The following SLC17A4 variants were observed in gnomAD, a reference collection of about 807,000 sequenced individuals.
The protein encoded by SLC17A4 is probable small intestine urate exporter.
SLC17A4 carries 33 observed loss-of-function variants against 52.5 expected under a neutral mutation model. The ratio of observed to expected loss-of-function variants is 0.63; its 90% CI spans 0.48 to 0.84. The LOEUF is 0.84. SLC17A4 is among the 40% of genes least tolerant of loss of function. SLC17A4 has a pLI of 0.00. For missense variants in SLC17A4, 585 were observed against 597.1 expected (o/e 0.98, Z 0.21); for synonymous variants, 225 against 216.2 (o/e 1.04, Z -0.36).
In SLC17A4 at chr6:25,780,331, T is replaced by C. The variant is rs927851539; in HGVS notation, c.*1143T>C. On this transcript the variant is annotated 3_prime_UTR_variant, in exon 12 of 12. Coordinates refer to ENST00000377905, the MANE Select transcript of SLC17A4 (RefSeq NM_005495.3). The stretch of plus-strand genomic sequence containing the variant: ...ACACAAGTGAATATGTAATAACAAC[T>C]GTAGAAATAATGAGTGGTTACATGG... The C allele has an allele frequency of 1.3e-5, 2 of 152,114 alleles. No homozygotes were observed. The highest frequency in any genetic ancestry group is 2.9e-5 in the Non-Finnish European group (2 of 68,024). 9.4% of individuals were successfully genotyped at this position (152,114 alleles called of 1,614,324 possible).
At position 25,779,299 on chromosome 6, in the gene SLC17A4, T is replaced by TA; in HGVS notation, c.*112dup. 1 of 1,424,488 alleles carries TA rather than the reference T, an allele frequency of 7.0e-7. No homozygotes were observed. The highest frequency in any genetic ancestry group is 9.5e-7 in the Non-Finnish European group (1 of 1,053,450). The allele number at this position is 1,424,488 out of a possible 1,614,324, so 88.2% of individuals were successfully genotyped here. On this transcript the variant is annotated 3_prime_UTR_variant, in exon 12 of 12. Coordinates refer to ENST00000377905, the MANE Select transcript of SLC17A4 (RefSeq NM_005495.3). ...GATAAGCCATTAGCTAGACCCTGAC[T>TA]ATGTAACGCTAAAGATTTTACCATG...
rs752513489 is a variant in SLC17A4, at chr6:25,777,000, C to T, written c.1268+41C>T. On this transcript the variant is annotated intron_variant, in intron 10 of 11. Coordinates refer to ENST00000377905, the MANE Select transcript of SLC17A4 (RefSeq NM_005495.3). Reference sequence around the variant, plus strand: ...GCCTCATCCTTTCAGACACTCAATTCAAGTCTAGCAGCCCTAAATCTACTC... The same window carrying T: ...GCCTCATCCTTTCAGACACTCAATTTAAGTCTAGCAGCCCTAAATCTACTC... 7 of 1,565,632 alleles carry T rather than the reference C, an allele frequency of 4.5e-6. No homozygotes were observed. In the Admixed American group the frequency reaches 1.3e-4, roughly 29 times the overall value.
At chr6:25,757,362 C>G (rs1761109396) in intron 1 of SLC17A4, among the ~76,000 whole-genome samples, 1 of 152,034 alleles carries the variant, frequency 6.6e-6, no homozygotes, top group Non-Finnish European at 1.5e-5. Flanking sequence ...ACATTTTATT[C>G]CTTTACATCT....
intron 10 of SLC17A4, chr6:25,777,657 A>G (rs985808244): frequency 3.0e-6 from 1 of 330,310 alleles, no homozygotes; most frequent in East Asian, 5.1e-5. Flanking sequence ...TCTTGCATAA[A>G]CAATGTTGAC....
At position 25,780,622 on chromosome 6, in the gene SLC17A4, T is replaced by C. The variant is rs879592972; in HGVS notation, c.*1434T>C. The C allele has an allele frequency of 6.6e-6, 1 of 152,256 alleles. No homozygotes were observed. Among genetic ancestry groups the C allele is most frequent in the Non-Finnish European group, 1.5e-5 (1 of 68,086 alleles). The allele number at this position is 152,256 out of a possible 1,614,324, so 9.4% of individuals were successfully genotyped here. A position where few individuals can be genotyped will look rare whatever the true frequency, so the allele number is the denominator to read the frequency against. On this transcript the variant is annotated 3_prime_UTR_variant, in exon 12 of 12. Transcript: ENST00000377905. ...AAGGTCAGGAGCACACAGGATGATG[T>C]AGGCCCAGTGAAGTGCGTTGGTCTT...
intron 2 of SLC17A4, among the ~76,000 whole-genome samples, chr6:25,767,697 G>C (rs1762136846): frequency 6.6e-6 from 1 of 152,224 alleles, no homozygotes; most frequent in African/African-American, 2.4e-5. Context: ...AGCAGTCTCA[G>C]TAAATGCAAA....
chr6:25,774,865 C>G (rs1762771410), intron 8 of SLC17A4, among the ~76,000 whole-genome samples: 1 of 152,222 alleles, frequency 6.6e-6, no homozygotes, highest in Admixed American at 6.5e-5. Flanking sequence ...ACAGCCTCGG[C>G]TTACGCATCT....
At position 25,773,407 on chromosome 6, in the gene SLC17A4, C is replaced by T; in HGVS notation, c.825+14C>T. 6.2e-7 allele frequency: 1 copy of T among 1,612,408 alleles called. No homozygotes were observed. On this transcript the variant is annotated intron_variant, in intron 7 of 11. Coordinates refer to ENST00000377905, the MANE Select transcript of SLC17A4 (RefSeq NM_005495.3). ...TTGGCTCAGCAGGTACATTGAGGAA[C>T]TCCTCTGACATTTCTCTATGTCCCT... is the stretch of plus-strand genomic sequence containing the variant.
chr6:25,755,040 CACACACAT>C (rs1176487700), intron 1 of SLC17A4, among the ~76,000 whole-genome samples: 3 of 88,434 alleles, frequency 3.4e-5, no homozygotes, highest in East Asian at 4.6e-4. Context: ...CAGACAGACA[CACACACAT>C]ACACACACAC....
rs140002079 is a variant in SLC17A4 at position 25,773,522 on chromosome 6, C to T, written c.835C>T (p.Pro279Ser). 6.2e-7 allele frequency: 1 copy of T among 1,613,806 alleles called. No homozygotes were observed. Among genetic ancestry groups the T allele is most frequent in the African/African-American group, 1.3e-5 (1 of 75,034 alleles). ...VCSLAQQDCS[P>S]GWSLPIRAMI... The stretch of plus-strand genomic sequence containing the variant: ...GTGTGCTTTCTTCCAGGACTGTTCA[C>T]CAGGCTGGTCTCTTCCCATTAGGGC... The change falls in exon 8 of 12, where the codon CCA (proline) becomes TCA (serine). Residue 279 changes from proline (P) to serine (S), a missense_variant. Coordinates refer to ENST00000377905, the MANE Select transcript of SLC17A4 (RefSeq NM_005495.3).
Position 25,778,022 on chromosome 6 carries a change from G to T in SLC17A4, c.1359+6G>T, listed in dbSNP as rs1221732270. 6.5e-7 allele frequency: 1 copy of T among 1,534,454 alleles called. No individual in the cohort carries two copies. Among genetic ancestry groups the T allele is most frequent in the Non-Finnish European group, 8.9e-7 (1 of 1,118,166 alleles). On this transcript the variant is annotated splice_donor_region_variant and intron_variant, in intron 11 of 11. Transcript: ENST00000377905. Reference sequence around the variant, plus strand: ...CTGGATTTTTCATCAGTCAGGTGAGGTCAAATGTTCTGATGAATATTCATA... The same window carrying T: ...CTGGATTTTTCATCAGTCAGGTGAGTTCAAATGTTCTGATGAATATTCATA...
At chr6:25,775,912 C>A (rs530489887) in intron 8 of SLC17A4, among the ~76,000 whole-genome samples, 5 of 152,192 alleles carry the variant, frequency 3.3e-5, no homozygotes, top group African/African-American at 1.2e-4. Flanking sequence ...TACATGAGAA[C>A]CTTGCTGAGC....
intron 8 of SLC17A4, among the ~76,000 whole-genome samples, chr6:25,776,241 G>A (rs1762904525): frequency 6.6e-6 from 1 of 151,850 alleles, no homozygotes; most frequent in Admixed American, 6.6e-5. Flanking sequence ...GAGTAAAGTT[G>A]GATACCTTTT....
chr6:25,778,868 G>A (rs1581435428), intron 11 of SLC17A4, among the ~76,000 whole-genome samples, 186 bp from the exon 12 acceptor site: 1 of 152,290 alleles, frequency 6.6e-6, no homozygotes, highest in East Asian at 1.9e-4. Flanking sequence ...TTCCAGCCAA[G>A]GAAATGCCCA....
intron 10 of SLC17A4, 63 bp from the exon 11 acceptor site, chr6:25,777,863 G>T: frequency 7.3e-7 from 1 of 1,363,428 alleles, no homozygotes; most frequent in Non-Finnish European, 1.0e-6. Flanking sequence ...CCCTCTCCCG[G>T]GTATTGAGAC....
At position 25,770,280 on chromosome 6, in the gene SLC17A4, A is replaced by G. The variant is rs1762370465; in HGVS notation, c.511A>G (p.Ile171Val). 3.7e-6 allele frequency: 6 copies of G among 1,614,090 alleles called. No homozygotes were observed. The highest frequency in any genetic ancestry group is 5.1e-6 in the Non-Finnish European group (6 of 1,179,968). Reference sequence around the variant, plus strand: ...AGTGGCCTTGCTCATTGTCCTCCGGATTGTACAAGGCATAGCCCAGGTACC... The same window carrying G: ...AGTGGCCTTGCTCATTGTCCTCCGGGTTGTACAAGGCATAGCCCAGGTACC... ...AGVALLIVLR[I>V]VQGIAQVMVL... Residue 171 changes from isoleucine (I) to valine (V), a missense_variant, in exon 4 of 12, where the codon ATT becomes GTT. Ile to Val is a conservative substitution (Grantham distance 29, BLOSUM62 3). Coordinates refer to ENST00000377905, the MANE Select transcript of SLC17A4 (RefSeq NM_005495.3).
Position 25,777,996 on chromosome 6 carries a change from G to C in SLC17A4, c.1339G>C (p.Ala447Pro), listed in dbSNP as rs1404339708. ...HIAGAISPTA[A>P]GFFISQDSEF... ...AGCTGGAGCCATCTCTCCTACTGCTGCTGGATTTTTCATCAGTCAGGTGAG... is the reference window on the plus strand; with the variant it reads ...AGCTGGAGCCATCTCTCCTACTGCTCCTGGATTTTTCATCAGTCAGGTGAG... Residue 447 changes from alanine to proline, a missense_variant, in exon 11 of 12, where the codon GCT becomes CCT. Coordinates refer to ENST00000377905, the MANE Select transcript of SLC17A4 (RefSeq NM_005495.3). 1 of 1,612,360 alleles carries C rather than the reference G, an allele frequency of 6.2e-7. No homozygotes were observed. Among genetic ancestry groups the C allele is most frequent in the Non-Finnish European group, 8.5e-7 (1 of 1,179,582 alleles).
chr6:25,758,865 C>G (rs1761265107), intron 1 of SLC17A4, among the ~76,000 whole-genome samples: 1 of 152,038 alleles, frequency 6.6e-6, no homozygotes, highest in African/African-American at 2.4e-5. Context: ...TCTTGTTTCT[C>G]TAGTTCCTTG....
intron 6 of SLC17A4, among the ~76,000 whole-genome samples, chr6:25,772,313 T>C (rs1046177885): frequency 6.6e-6 from 1 of 152,168 alleles, no homozygotes; most frequent in African/African-American, 2.4e-5. Flanking sequence ...ATGTGCAACA[T>C]TGCTAATTTT....
Sources: allele counts gnomAD v4.1 joint callset (sites outside exome capture counted in the v4.1 genomes callset), GRCh38; gene constraint gnomAD v4.1.1; transcripts MANE v1.5; gene names NCBI Gene and HGNC (gene_info 2026-07-23, HGNC 2026-07-21).